Variants in PAPSS1 observed in about 807,000 individuals in gnomAD.
PAPSS1 encodes bifunctional 3'-phosphoadenosine 5'-phosphosulfate synthase 1.
In PAPSS1, 50 loss-of-function variants were observed where a neutral mutation model predicts 72.0. The ratio of observed to expected loss-of-function variants is 0.69; its 90% CI spans 0.55 to 0.88. The LOEUF (loss-of-function observed/expected upper bound fraction) is 0.88. Among genes scored for constraint, PAPSS1 ranks in the 40% least tolerant of loss-of-function variants. The pLI is 0.00. For missense variants in PAPSS1, 657 were observed against 782.2 expected (o/e 0.84, Z 1.91); for synonymous variants, 261 against 263.6 (o/e 0.99, Z 0.09).
At chr4:107,713,011 G>T (rs907468889) in intron 1 of PAPSS1, among the ~76,000 whole-genome samples, 1 of 150,920 alleles carries the variant, frequency 6.6e-6, no homozygotes, top group African/African-American at 2.4e-5. Context: ...GCAGTGGCAT[G>T]ATCTCAGCTC....
chr4:107,719,923 G>T, intron 1 of PAPSS1, 197 bp downstream of exon 1: 1 of 1,373,074 alleles, frequency 7.3e-7, no homozygotes, highest in Non-Finnish European at 9.3e-7. Flanking sequence ...GCTAGGGCGA[G>T]ATCCCCACCC....
At chr4:107,718,857 C>T (rs1723701180) in intron 1 of PAPSS1, among the ~76,000 whole-genome samples, 1 of 152,186 alleles carries the variant, frequency 6.6e-6, no homozygotes, top group Non-Finnish European at 1.5e-5. Flanking sequence ...TTTCACCGCA[C>T]ATTCAAATTC....
chr4:107,672,271 C>T (rs190350042), intron 5 of PAPSS1, among the ~76,000 whole-genome samples: 8 of 152,256 alleles, frequency 5.3e-5, no homozygotes, highest in South Asian at 2.1e-4. Context: ...GGCGAGGCAT[C>T]GCCTCACCCA....
intron 5 of PAPSS1, among the ~76,000 whole-genome samples, chr4:107,675,360 C>T (rs573760584): frequency 1.3e-5 from 2 of 152,168 alleles, no homozygotes; most frequent in Admixed American, 6.5e-5. Flanking sequence ...GATATCACCC[C>T]CGATCCCACA....
At chr4:107,708,721 T>C (rs1455050288) in intron 1 of PAPSS1, among the ~76,000 whole-genome samples, 1 of 152,206 alleles carries the variant, frequency 6.6e-6, no homozygotes, top group African/African-American at 2.4e-5. Flanking sequence ...AAAAAGATTC[T>C]GGCAGCAAAC....
At chr4:107,700,666 G>A (rs1723181175) in intron 2 of PAPSS1, among the ~76,000 whole-genome samples, 1 of 152,180 alleles carries the variant, frequency 6.6e-6, no homozygotes, top group African/African-American at 2.4e-5. Context: ...AGGGATTGAG[G>A]CTGTGAGTTC....
At chr4:107,676,657 C>T (rs1727660004) in intron 5 of PAPSS1, among the ~76,000 whole-genome samples, 1 of 152,168 alleles carries the variant, frequency 6.6e-6, no homozygotes, top group Non-Finnish European at 1.5e-5. Context: ...CTACCAAGAA[C>T]TTTCTTCATA....
chr4:107,655,268 A>G (rs1726973270), intron 7 of PAPSS1, among the ~76,000 whole-genome samples: 1 of 152,192 alleles, frequency 6.6e-6, no homozygotes, highest in South Asian at 2.1e-4. Context: ...AATATATGAA[A>G]GAGACAAAGA....
intron 9 of PAPSS1, among the ~76,000 whole-genome samples, chr4:107,650,642 T>C (rs1726813934): frequency 6.6e-6 from 1 of 152,210 alleles, no homozygotes; most frequent in Non-Finnish European, 1.5e-5. Context: ...CAGATGTTTC[T>C]GGTTGCAAAT....
intron 11 of PAPSS1, among the ~76,000 whole-genome samples, chr4:107,625,908 G>A (rs11943285): frequency 1.8e-3 from 270 of 152,156 alleles, no homozygotes; most frequent in African/African-American, 5.9e-3. Flanking sequence ...TGGGCCGGGC[G>A]CGGTGGCTCA....
intron 1 of PAPSS1, among the ~76,000 whole-genome samples, chr4:107,704,088 T>C (rs1363566338): frequency 6.6e-6 from 1 of 152,208 alleles, no homozygotes; most frequent in African/African-American, 2.4e-5. Context: ...TTCCCAAGTA[T>C]TTTATTTTTC....
intron 1 of PAPSS1, among the ~76,000 whole-genome samples, chr4:107,713,348 T>A (rs796886774): frequency 3.3e-5 from 5 of 152,260 alleles, no homozygotes; most frequent in African/African-American, 1.2e-4. Flanking sequence ...GCCTGGGGAA[T>A]GACTACTAAT....
chr4:107,706,542 T>G (rs541278736), intron 1 of PAPSS1, among the ~76,000 whole-genome samples: 157 of 152,348 alleles, frequency 1.0e-3, no homozygotes, highest in Non-Finnish European at 1.9e-3. Context: ...TTATTTCTAT[T>G]TTATTGAGGT....
At chr4:107,674,406 G>T (rs1013394965) in intron 5 of PAPSS1, among the ~76,000 whole-genome samples, 1,656 of 152,098 alleles carry the variant, frequency 0.011, 30 homozygotes, top group African/African-American at 0.036. Flanking sequence ...AAACAGACTT[G>T]AAAACAACAA....
intron 3 of PAPSS1, among the ~76,000 whole-genome samples, chr4:107,688,071 T>C (rs541885426): frequency 6.6e-5 from 10 of 151,998 alleles, no homozygotes; most frequent in African/African-American, 2.4e-4. Flanking sequence ...ATCTACATAC[T>C]AATGATCCTT....
chr4:107,687,449 A>G (rs1251355827), intron 3 of PAPSS1, among the ~76,000 whole-genome samples: 1 of 152,216 alleles, frequency 6.6e-6, no homozygotes, highest in African/African-American at 2.4e-5. Flanking sequence ...TTTCACTCAA[A>G]TTCTACGTGG....
intron 5 of PAPSS1, among the ~76,000 whole-genome samples, chr4:107,678,453 G>A (rs999204417): frequency 3.3e-5 from 5 of 152,048 alleles, no homozygotes; most frequent in Non-Finnish European, 7.4e-5. Flanking sequence ...GCCCATTGCA[G>A]AGCTGAGGTG....
intron 7 of PAPSS1, 58 bp from the exon 8 acceptor site, chr4:107,654,958 T>G: frequency 7.8e-7 from 1 of 1,281,166 alleles, no homozygotes; most frequent in Non-Finnish European, 1.1e-6. Context: ...ACGCTTTACT[T>G]AACACCCACC....
At chr4:107,711,789 T>C (rs1723502863) in intron 1 of PAPSS1, among the ~76,000 whole-genome samples, 1 of 152,234 alleles carries the variant, frequency 6.6e-6, no homozygotes, top group Non-Finnish European at 1.5e-5. Context: ...AAACCTTTAG[T>C]TCACAGAGTT....
Sources: gnomAD v4.1 joint callset for allele counts (sites outside exome capture counted in the v4.1 genomes callset) on GRCh38, gnomAD v4.1.1 for gene constraint, MANE v1.5 for transcripts, NCBI Gene and HGNC (gene_info 2026-07-23, HGNC 2026-07-21) for gene names.